The following PPM1M variants were observed in gnomAD, a reference collection of about 807,000 sequenced individuals.
The protein encoded by PPM1M is protein phosphatase 1M.
In PPM1M, 44 loss-of-function variants were observed where a neutral mutation model predicts 50.8. The ratio of observed to expected loss-of-function variants is 0.87; its 90% CI spans 0.68 to 1.11. The LOEUF (loss-of-function observed/expected upper bound fraction) is 1.11. Ranked by LOEUF, PPM1M falls within the 50% of genes most tolerant of loss-of-function variation. PPM1M has a pLI of 0.00. For synonymous variants in PPM1M, 224 were observed against 242.9 expected, an observed-to-expected ratio of 0.92 and a Z score of 0.72; for missense variants, 556 against 593.4, an observed-to-expected ratio of 0.94 and a Z score of 0.66.
At chr3:52,247,332 ATTGGGAGGATGAGATTGGG>A in intron 3 of PPM1M, 104 bp downstream of exon 3, 1 of 1,454,970 alleles carries the variant, frequency 6.9e-7, no homozygotes, top group Non-Finnish European at 9.2e-7. Flanking sequence ...AGATCCTTGG[ATTGGGAGGATGAGATTGGG>A]TTGGTTGGAT....
chr3:52,246,078 G>A (rs1043183021), intron 1 of PPM1M, 30 bp downstream of exon 1: 3 of 1,074,272 alleles, frequency 2.8e-6, no homozygotes, highest in South Asian at 2.1e-5. Flanking sequence ...CCCCAGCTCA[G>A]GCCCGGGCCT....
In PPM1M at chr3:52,250,248, C is replaced by A; in HGVS notation, c.*434C>A. 1.1e-5 allele frequency: 2 copies of A among 174,146 alleles called. No homozygotes were observed. The highest frequency in any genetic ancestry group is 5.4e-5 in the Admixed American group (1 of 18,400). 10.8% of individuals were successfully genotyped at this position (174,146 alleles called of 1,614,324 possible). A position where few individuals can be genotyped will look rare whatever the true frequency, so the allele number is the denominator to read the frequency against. On this transcript the variant is annotated 3_prime_UTR_variant, in exon 10 of 10. Coordinates refer to ENST00000323588, the MANE Select transcript of PPM1M (RefSeq NM_144641.4). Reference sequence around the variant, plus strand: ...TTATCAGGGCATGTGTTCAACAACCCCCAAAGTCCACGCAGGTGGCTTGTA... The same window carrying A: ...TTATCAGGGCATGTGTTCAACAACCACCAAAGTCCACGCAGGTGGCTTGTA...
chr3:52,249,897 T>A lies in PPM1M; in HGVS notation c.*83T>A, dbSNP rs2107322140. ...CTCCAGTGTGACCAAGAGCAAATCC[T>A]GCCTGCCCTATCCCTAGCCACCGCC... is the stretch of plus-strand genomic sequence containing the variant. On this transcript the variant is annotated 3_prime_UTR_variant, in exon 10 of 10. Coordinates refer to ENST00000323588, the MANE Select transcript of PPM1M (RefSeq NM_144641.4). The A allele has an allele frequency of 7.3e-7, 1 of 1,361,468 alleles. No homozygotes were observed. The highest frequency in any genetic ancestry group is 2.5e-5 in the East Asian group (1 of 40,784). 84.3% of individuals were successfully genotyped at this position (1,361,468 alleles called of 1,614,324 possible).
Position 52,247,076 on chromosome 3 carries a change from G to A in PPM1M, c.445G>A (p.Glu149Lys), listed in dbSNP as rs1388750069. ...GCACTCCTGCTTGCGCCGGCAGCTG[G>A]AGGCCGTGGTGGAAGGCTTGGTGGC... ...TLHSCLRRQL[E>K]AVVEGLVATQ... Residue 149 changes from glutamate to lysine, a missense_variant, in exon 3 of 10, where the codon GAG becomes AAG. Glu to Lys is a moderately conservative substitution (Grantham distance 56, BLOSUM62 1). Transcript: ENST00000323588. The A allele has an allele frequency of 6.3e-7, 1 of 1,577,016 alleles. No homozygotes were observed. Among genetic ancestry groups the A allele is most frequent in the African/African-American group, 1.3e-5 (1 of 74,208 alleles).
At position 52,247,693 on chromosome 3, in the gene PPM1M, C is replaced by T. The variant is rs368207596; in HGVS notation, c.609C>T (p.Ile203=). The change falls in exon 4 of 10, where the codon ATC becomes ATT. Residue 203 remains isoleucine (I), a synonymous_variant. Coordinates refer to ENST00000323588, the MANE Select transcript of PPM1M (RefSeq NM_144641.4). ...TCGGTTTTCCCCAGGATGAGGTGAT[C>T]GGGCGGGAGCTGGAGGCCTCAGGCC... ...ESAFQECDEV[I]GRELEASGQM... The T allele has an allele frequency of 1.7e-5, 27 of 1,598,834 alleles. No individual in the cohort carries two copies. The highest frequency in any genetic ancestry group is 4.5e-5 in the East Asian group (2 of 44,364).
rs574997875 is a variant in PPM1M, at chr3:52,250,093, G to C, written c.*279G>C. 2.5e-6 allele frequency: 1 copy of C among 392,484 alleles called. No individual in the cohort carries two copies. The highest frequency in any genetic ancestry group is 4.8e-6 in the Non-Finnish European group (1 of 208,578). 24.3% of individuals were successfully genotyped at this position (392,484 alleles called of 1,614,324 possible). Reference sequence around the variant, plus strand: ...AACTTAACTAGGAAACCCATGTGAGGCTCCTCAGACAGGATCTTGAACAGC... The same window carrying C: ...AACTTAACTAGGAAACCCATGTGAGCCTCCTCAGACAGGATCTTGAACAGC... On this transcript the variant is annotated 3_prime_UTR_variant, in exon 10 of 10. Transcript: ENST00000323588.
intron 2 of PPM1M, 63 bp from the exon 3 acceptor site, chr3:52,246,911 G>A: frequency 6.6e-7 from 1 of 1,520,474 alleles, no homozygotes; most frequent in Non-Finnish European, 8.9e-7. Flanking sequence ...GTCCTAGTTA[G>A]GTTGCGTCAG....
In PPM1M at chr3:52,248,062, C is replaced by G. The variant is rs73835763; in HGVS notation, c.711-91C>G. Reference sequence around the variant, plus strand: ...GGGATCATCATGGACAGAGCTGGATCCTGGTGGTTGGAGGAGGGACTGGTA... The same window carrying G: ...GGGATCATCATGGACAGAGCTGGATGCTGGTGGTTGGAGGAGGGACTGGTA... On this transcript the variant is annotated intron_variant, in intron 4 of 9. Coordinates refer to ENST00000323588, the MANE Select transcript of PPM1M (RefSeq NM_144641.4). 3,435 of 1,100,596 alleles carry G rather than the reference C, an allele frequency of 3.1e-3. 91 individuals carry two copies. The African/African-American group carries it at 0.048, about 15-fold the overall frequency. 68.2% of individuals were successfully genotyped at this position (1,100,596 alleles called of 1,614,324 possible). A position where few individuals can be genotyped will look rare whatever the true frequency, so the allele number is the denominator to read the frequency against.
chr3:52,246,668 G>A (rs749862080), intron 1 of PPM1M, 27 bp from the exon 2 acceptor site: 19 of 1,282,988 alleles, frequency 1.5e-5, no homozygotes, highest in Admixed American at 9.2e-5. Flanking sequence ...TGTCCCTGGA[G>A]GGTCGCTTAC....
Position 52,248,645 on chromosome 3 carries a change from A to T in PPM1M, c.923A>T (p.Lys308Ile). 1 of 1,613,870 alleles carries T rather than the reference A, an allele frequency of 6.2e-7. No homozygotes were observed. Residue 308 changes from lysine to isoleucine, a missense_variant, in exon 7 of 10, where the codon AAA becomes ATA. Physicochemically the swap from Lys to Ile is moderately radical, Grantham distance 102. Coordinates refer to ENST00000323588, the MANE Select transcript of PPM1M (RefSeq NM_144641.4). ...GGCTCTGCTCCTGGTAGGAGCTACA[A>T]ACGTGTGGAGAAATCGGATCTCAAG... The part of the protein sequence containing the change: ...RDHHMSGWSY[K>I]RVEKSDLKYP...
intron 1 of PPM1M, chr3:52,246,404 C>A: frequency 9.1e-7 from 1 of 1,094,538 alleles, no homozygotes; most frequent in Non-Finnish European, 1.1e-6. Context: ...CTGTATGGGA[C>A]AGGGCTTTGG....
At chr3:52,249,518 C>T (rs1271613572) in intron 9 of PPM1M, 152 bp from the exon 10 acceptor site, 15 of 1,280,796 alleles carry the variant, frequency 1.2e-5, no homozygotes, top group Admixed American at 2.1e-5. Flanking sequence ...TGGTCCAGCC[C>T]GTGGCCCTCC....
In PPM1M at chr3:52,249,251, T is replaced by G; in HGVS notation, c.1164T>G (p.Asp388Glu). 6.2e-7 allele frequency: 1 copy of G among 1,613,902 alleles called. No individual in the cohort carries two copies. ...TCATGGCAACTGATGGACTCTGGGA[T>G]GTACTGTCCAACGAGCAGGTGGCAT... ...VVVMATDGLW[D>E]VLSNEQVAWL... Residue 388 changes from aspartate (D) to glutamate (E), a missense_variant, in exon 9 of 10, where the codon GAT becomes GAG. Coordinates refer to ENST00000323588, the MANE Select transcript of PPM1M (RefSeq NM_144641.4).
At chr3:52,246,949 C>G in intron 2 of PPM1M, 25 bp from the exon 3 acceptor site, 1 of 1,528,404 alleles carries the variant, frequency 6.5e-7, no homozygotes, top group Non-Finnish European at 8.8e-7. Context: ...CAGGCAGAGG[C>G]TGACACTGAG....
intron 1 of PPM1M, 48 bp from the exon 2 acceptor site, chr3:52,246,647 G>T: frequency 8.2e-7 from 1 of 1,215,568 alleles, no homozygotes; most frequent in Non-Finnish European, 1.1e-6. Flanking sequence ...GTGCCCATGG[G>T]GACATAGGTG....
In PPM1M at chr3:52,248,444, T is replaced by G. The variant is rs761597563; in HGVS notation, c.905T>G (p.Met302Arg). 7.4e-6 allele frequency: 12 copies of G among 1,612,700 alleles called. No homozygotes were observed. The highest frequency in any genetic ancestry group is 1.6e-4 in the Middle Eastern group (1 of 6,084). Residue 302 changes from methionine (M) to arginine (R), a missense_variant, in exon 6 of 10, where the codon ATG becomes AGG. By Grantham distance (91) the Met-to-Arg change is moderately conservative. Coordinates refer to ENST00000323588, the MANE Select transcript of PPM1M (RefSeq NM_144641.4). The stretch of plus-strand genomic sequence containing the variant: ...AAGGTTTTGTTCAGGGATCACCACA[T>G]GAGTGGCTGGTGAGTGGGGATGGGG... The part of the protein sequence containing the change: ...GQKVLFRDHH[M>R]SGWSYKRVEK...
chr3:52,249,801 G>T lies in PPM1M; in HGVS notation c.1367G>T (p.Ser456Ile). 1 of 1,613,200 alleles carries T rather than the reference G, an allele frequency of 6.2e-7. No individual in the cohort carries two copies. The change falls in exon 10 of 10, where the codon AGC becomes ATC. Residue 456 changes from serine to isoleucine, a missense_variant. Ser to Ile is a moderately radical substitution (Grantham distance 142). Coordinates refer to ENST00000323588, the MANE Select transcript of PPM1M (RefSeq NM_144641.4). Reference protein sequence around the residue: ...VIPLHSQGQESSDH With the variant: ...VIPLHSQGQEISDH ...CCCTTGCACAGTCAGGGCCAAGAGA[G>T]CAGTGACCACTGAGGATTCAGACAC...
chr3:52,248,959 C>T lies in PPM1M; in HGVS notation c.982C>T (p.Arg328Trp), dbSNP rs1360003446. Residue 328 changes from arginine to tryptophan, a missense_variant, in exon 8 of 10, where the codon CGG (arginine) becomes TGG (tryptophan). Transcript: ENST00000323588. ...PLIHGQGRQA[R>W]LLGTLAVSRG... The stretch of plus-strand genomic sequence containing the variant: ...CTCACACCTCACTTTCCCTCAGGCT[C>T]GGTTACTAGGAACACTGGCTGTCTC... 6 of 1,603,174 alleles carry T rather than the reference C, an allele frequency of 3.7e-6. No homozygotes were observed. Among genetic ancestry groups the T allele is most frequent in the African/African-American group, 1.3e-5 (1 of 74,740 alleles).
chr3:52,246,465 C>T, intron 1 of PPM1M: 9 of 746,424 alleles, frequency 1.2e-5, no homozygotes, highest in Non-Finnish European at 1.7e-5. Flanking sequence ...CCGTCTAGCC[C>T]TGGGTCACCA....
Sources: allele counts gnomAD v4.1 joint callset, GRCh38; gene constraint gnomAD v4.1.1; transcripts MANE v1.5; gene names NCBI Gene and HGNC (gene_info 2026-07-23, HGNC 2026-07-21).